SHF: variants seen among roughly 807,000 people sequenced by gnomAD.
SHF encodes Src homology 2 domain containing F.
Under a neutral mutation model 42.4 loss-of-function variants are expected in SHF, and 30 were observed. The ratio of observed to expected loss-of-function variants is 0.71; its 90% CI spans 0.53 to 0.96. The LOEUF (loss-of-function observed/expected upper bound fraction) is 0.96, where lower values mean the gene tolerates loss of function less well. Ranked by LOEUF, SHF falls within the 40% of genes least tolerant of loss-of-function variation. The pLI, the probability that SHF is intolerant of heterozygous loss-of-function variation, is 0.00. For synonymous variants in SHF, 264 were observed against 269.9 expected (o/e 0.98, Z 0.21); for missense variants, 598 against 634.0 (o/e 0.94, Z 0.61).
exon 2 of SHF, chr15:45,198,897 G>A (rs760481154): frequency 2.5e-6 from 4 of 1,613,984 alleles, no homozygotes; most frequent in Middle Eastern, 1.6e-4. Flanking sequence ...ATGGGCTCCC[G>A]GTGAGCGCAG....
At chr15:45,181,193 C>CT (rs1898106389) in intron 1 of SHF, 1 of 152,402 alleles carries the variant, frequency 6.6e-6, no homozygotes, top group Non-Finnish European at 1.5e-5. Context: ...CCCATGGGCA[C>CT]CCAGGTGGCA....
intron 2 of SHF, among the ~76,000 whole-genome samples, chr15:45,176,893 G>A (rs1897840209): frequency 6.6e-6 from 1 of 152,156 alleles, no homozygotes; most frequent in Admixed American, 6.5e-5. Flanking sequence ...CTACTACACT[G>A]TTCTCCTTGG....
At chr15:45,187,992 GGGGGGC>G, upstream of SHF, 2 of 838,902 alleles carry the variant, frequency 2.4e-6, no homozygotes, top group Non-Finnish European at 3.1e-6. Flanking sequence ...AGCGGCGGGT[GGGGGGC>G]GGGGGCGGGG....
chr15:45,168,682 G>A (rs1011099765), intron 6 of SHF, among the ~76,000 whole-genome samples: 10 of 152,178 alleles, frequency 6.6e-5, no homozygotes, highest in African/African-American at 2.2e-4. Context: ...CAAAATCTGG[G>A]AGTGCTCAGC....
intron 5 of SHF, 54 bp downstream of exon 5, chr15:45,172,093 G>A: frequency 6.2e-7 from 1 of 1,613,902 alleles, no homozygotes; most frequent in Non-Finnish European, 8.5e-7. Context: ...AGGGAAGCCA[G>A]TGCCAGGAGG....
chr15:45,177,076 G>A (rs1230312274), intron 2 of SHF, among the ~76,000 whole-genome samples: 1 of 152,128 alleles, frequency 6.6e-6, no homozygotes, highest in Admixed American at 6.5e-5. Context: ...ACCACTCTCT[G>A]CCTCCCTTAC....
At chr15:45,188,681 C>G (rs1164367186), upstream of SHF, among the ~76,000 whole-genome samples, 1 of 152,262 alleles carries the variant, frequency 6.6e-6, no homozygotes, top group Non-Finnish European at 1.5e-5. Flanking sequence ...AGCACCTGCT[C>G]CAAACGGGCC....
At chr15:45,185,640 T>A (rs774889377) in intron 1 of SHF, among the ~76,000 whole-genome samples, 16 of 152,132 alleles carry the variant, frequency 1.1e-4, no homozygotes, top group Non-Finnish European at 2.1e-4. Flanking sequence ...GAGTCAGACA[T>A]CTCTTGGCCC....
intron 1 of SHF, among the ~76,000 whole-genome samples, chr15:45,186,454 T>C (rs1898406662): frequency 6.6e-6 from 1 of 152,184 alleles, no homozygotes; most frequent in Admixed American, 6.5e-5. Context: ...AACTGAGCTC[T>C]CGGGGTGAGT....
Position 45,173,704 on chromosome 15 carries a change from A to G in SHF, c.860T>C (p.Val287Ala), listed in dbSNP as rs181489609. The stretch of plus-strand genomic sequence containing the variant: ...TGGAGGCCAAGGTAGGTCTTTGATG[A>G]CCTTAATGTCAACTGGAGCCAGCAG... ...ISKAFAVDIK[V>A]IKDLPWPPPV... Residue 287 changes from valine (V) to alanine (A), a missense_variant, in exon 4 of 7, where the codon GTC becomes GCC. Physicochemically the swap from Val to Ala is moderately conservative, Grantham distance 64 (BLOSUM62 0). This residue lies in a region of SHF where 439 missense variants were observed against 524.6 expected (regional missense o/e 0.84). Coordinates refer to ENST00000690270, the MANE Select transcript of SHF (RefSeq NM_001394037.1). 6 of 1,551,790 alleles carry G rather than the reference A, an allele frequency of 3.9e-6. No individual in the cohort carries two copies. Among genetic ancestry groups the G allele is most frequent in the Middle Eastern group, 1.7e-4 (1 of 5,992 alleles).
intron 1 of SHF, among the ~76,000 whole-genome samples, chr15:45,180,068 C>G (rs1484340177): frequency 6.6e-6 from 1 of 152,094 alleles, no homozygotes; most frequent in Admixed American, 6.5e-5. Flanking sequence ...CCTTTACAAC[C>G]TCCTTTGCGT....
intron 2 of SHF, among the ~76,000 whole-genome samples, chr15:45,175,683 G>C (rs572616552): frequency 8.5e-5 from 13 of 152,334 alleles, no homozygotes; most frequent in Non-Finnish European, 1.8e-4. Context: ...AACAGCCAGC[G>C]AGGGCTGGGT....
chr15:45,197,249 T>TA (rs144408027), intron 2 of SHF, among the ~76,000 whole-genome samples: 44 of 122,616 alleles, frequency 3.6e-4, no homozygotes, highest in African/African-American at 1.3e-3. Flanking sequence ...ACCTTGTCTC[T>TA]AAAAAAAAAA....
chr15:45,182,621 CAGCATCTTCTCTCCTCTATTTGT>C (rs1365225456), intron 1 of SHF, among the ~76,000 whole-genome samples: 1 of 152,182 alleles, frequency 6.6e-6, no homozygotes, highest in African/African-American at 2.4e-5. Context: ...TTGGAAAATG[CAGCATCTTCTCTCCTCTATTTGT>C]AGATTTAAAA....
chr15:45,176,165 C>T (rs992903335), intron 2 of SHF, among the ~76,000 whole-genome samples: 12 of 152,080 alleles, frequency 7.9e-5, no homozygotes, highest in Non-Finnish European at 1.8e-4. Context: ...CTTTGCTGCC[C>T]AGACACTGTG....
intron 3 of SHF, among the ~76,000 whole-genome samples, chr15:45,174,747 G>A (rs1213763080): frequency 5.3e-5 from 8 of 152,140 alleles, no homozygotes; most frequent in Admixed American, 3.9e-4. Context: ...CTGCTCCTCA[G>A]AAATCTCCTT....
At chr15:45,174,660 T>C (rs867149763) in intron 3 of SHF, among the ~76,000 whole-genome samples, 1 of 152,176 alleles carries the variant, frequency 6.6e-6, no homozygotes, top group Admixed American at 6.5e-5. Flanking sequence ...AACTTTTCCA[T>C]GGTGGACTTG....
chr15:45,184,537 T>C (rs1042599392), intron 1 of SHF, among the ~76,000 whole-genome samples: 6 of 152,194 alleles, frequency 3.9e-5, no homozygotes, highest in South Asian at 2.1e-4. Flanking sequence ...GACTGTCTCA[T>C]TGTCCGTGTT....
At chr15:45,173,872 G>C (rs1897655856) in intron 3 of SHF, among the ~76,000 whole-genome samples, 156 bp from the exon 4 acceptor site, 1 of 152,164 alleles carries the variant, frequency 6.6e-6, no homozygotes, top group Non-Finnish European at 1.5e-5. Context: ...TTTTGGGGAG[G>C]CACTCAAGGG....
Sources: allele counts gnomAD v4.1 joint callset (sites outside exome capture counted in the v4.1 genomes callset), GRCh38; gene constraint gnomAD v4.1.1; regional missense constraint gnomAD v4.1.1; transcripts MANE v1.5; gene names NCBI Gene and HGNC (gene_info 2026-07-23, HGNC 2026-07-21).